ADAMTSL1: variants seen among roughly 807,000 people sequenced by gnomAD.
The protein encoded by ADAMTSL1 is ADAMTS-like protein 1.
Under a neutral mutation model 201.8 loss-of-function variants are expected in ADAMTSL1, and 126 were observed. The ratio of observed to expected loss-of-function variants is 0.62; its 90% CI spans 0.54 to 0.72. The LOEUF (loss-of-function observed/expected upper bound fraction) is 0.72. ADAMTSL1 is among the 30% of genes least tolerant of loss of function. The probability of loss-of-function intolerance (pLI) is 0.00; values close to 1 mark genes in which losing one functional copy is unlikely to be tolerated. For missense variants in ADAMTSL1, 2,679 were observed against 2,277.8 expected, an observed-to-expected ratio of 1.18 and a Z score of -3.59; for synonymous variants, 1,121 against 903.4, an observed-to-expected ratio of 1.24 and a Z score of -4.32.
At chr9:17,990,999 C>G (rs1332208930) in intron 1 of ADAMTSL1, among the ~76,000 whole-genome samples, 1 of 152,096 alleles carries the variant, frequency 6.6e-6, no homozygotes, top group Non-Finnish European at 1.5e-5. Context: ...GAAACATTAA[C>G]TTTGACAGAA....
chr9:18,281,202 C>G (rs183013342), intron 2 of ADAMTSL1, among the ~76,000 whole-genome samples: 1 of 152,124 alleles, frequency 6.6e-6, no homozygotes, highest in Non-Finnish European at 1.5e-5. Flanking sequence ...TAAGCAAATG[C>G]TATAATAAGC....
chr9:18,798,777 A>G (rs1339371363), intron 20 of ADAMTSL1, among the ~76,000 whole-genome samples: 3 of 152,210 alleles, frequency 2.0e-5, no homozygotes, highest in Non-Finnish European at 4.4e-5. Context: ...CCCGTCCCGT[A>G]GATCTGGTGT....
chr9:18,537,546 G>T (rs1244952680), intron 3 of ADAMTSL1, among the ~76,000 whole-genome samples: 5 of 152,130 alleles, frequency 3.3e-5, no homozygotes, highest in Non-Finnish European at 7.3e-5. Context: ...ACACTGTAAA[G>T]TACTTACGTT....
At chr9:18,397,667 T>C (rs1817809309) in intron 2 of ADAMTSL1, among the ~76,000 whole-genome samples, 1 of 152,198 alleles carries the variant, frequency 6.6e-6, no homozygotes, top group Admixed American at 6.5e-5. Context: ...TAAATCACCA[T>C]TGGATTATAG....
At chr9:18,246,549 C>G (rs888892804) in intron 2 of ADAMTSL1, among the ~76,000 whole-genome samples, 15 of 151,954 alleles carry the variant, frequency 9.9e-5, no homozygotes, top group African/African-American at 3.4e-4. Flanking sequence ...GCAGGAAGTG[C>G]CAAAAAGACT....
chr9:18,209,458 T>C (rs890528735), intron 2 of ADAMTSL1, among the ~76,000 whole-genome samples: 6 of 152,132 alleles, frequency 3.9e-5, no homozygotes, highest in Non-Finnish European at 8.8e-5. Context: ...TTATAAATAT[T>C]TAGACCATGG....
chr9:18,022,827 G>A (rs577615903), intron 1 of ADAMTSL1, among the ~76,000 whole-genome samples: 2 of 152,084 alleles, frequency 1.3e-5, no homozygotes, highest in Admixed American at 1.3e-4. Flanking sequence ...TATTTATTCA[G>A]CGCCTACTAT....
chr9:18,530,078 A>G (rs1029192714), intron 2 of ADAMTSL1, among the ~76,000 whole-genome samples: 13 of 152,194 alleles, frequency 8.5e-5, no homozygotes, highest in Admixed American at 5.9e-4. Flanking sequence ...TGAAACAAGT[A>G]TTTTTCTGCT....
chr9:18,619,666 T>G (rs1026775109), intron 4 of ADAMTSL1, among the ~76,000 whole-genome samples: 1 of 152,034 alleles, frequency 6.6e-6, no homozygotes, highest in African/African-American at 2.4e-5. Flanking sequence ...TAAGAAATCT[T>G]TAGACTTAGA....
At position 18,474,271 on chromosome 9, in the gene ADAMTSL1, C is replaced by T; in HGVS notation, c.39C>T (p.Leu13=). Residue 13 remains leucine (L), a synonymous_variant, in exon 1 of 29, where the codon CTC becomes CTT. Coordinates refer to ENST00000380548, the MANE Select transcript of ADAMTSL1 (RefSeq NM_001040272.6). Reference sequence around the variant, plus strand: ...GTCGGGCAACTCCTGGCACACTGCTCCTCTTTCTGGCTTTCCTGCTCCTGG... The same window carrying T: ...GTCGGGCAACTCCTGGCACACTGCTTCTCTTTCTGGCTTTCCTGCTCCTGG... ...CCRRATPGTL[L]LFLAFLLLSS... is the part of the protein sequence containing the mutation. The T allele has an allele frequency of 6.2e-7, 1 of 1,614,170 alleles. No homozygotes were observed. The highest frequency in any genetic ancestry group is 1.1e-5 in the South Asian group (1 of 91,084).
intron 2 of ADAMTSL1, among the ~76,000 whole-genome samples, chr9:18,225,103 G>C (rs1830395837): frequency 6.6e-6 from 1 of 152,104 alleles, no homozygotes; most frequent in African/African-American, 2.4e-5. Flanking sequence ...GTAAGCCTAA[G>C]GTAAAAGTTA....
chr9:18,652,689 G>T (rs1410629958), intron 7 of ADAMTSL1, among the ~76,000 whole-genome samples: 1 of 152,134 alleles, frequency 6.6e-6, no homozygotes, highest in African/African-American at 2.4e-5. Flanking sequence ...GGGGAAGCTG[G>T]GATGTTTGGT....
At chr9:18,368,734 A>T (rs1294321982) in intron 2 of ADAMTSL1, among the ~76,000 whole-genome samples, 1 of 152,188 alleles carries the variant, frequency 6.6e-6, no homozygotes, top group Non-Finnish European at 1.5e-5. Context: ...ATCATCCTGG[A>T]TGGTGAATAT....
At chr9:18,740,010 C>T (rs1001419534) in intron 15 of ADAMTSL1, among the ~76,000 whole-genome samples, 21 of 152,080 alleles carry the variant, frequency 1.4e-4, no homozygotes, top group African/African-American at 5.1e-4. Flanking sequence ...ACATATCAAA[C>T]TCCTGAGACA....
chr9:18,069,474 A>G (rs1822857501), intron 1 of ADAMTSL1, among the ~76,000 whole-genome samples: 1 of 152,188 alleles, frequency 6.6e-6, no homozygotes, highest in South Asian at 2.1e-4. Context: ...TAAGTTTACC[A>G]TTATGCTTTG....
chr9:18,065,585 G>A (rs955450126), intron 1 of ADAMTSL1, among the ~76,000 whole-genome samples: 1 of 152,158 alleles, frequency 6.6e-6, no homozygotes, highest in African/African-American at 2.4e-5. Context: ...AATAAACACA[G>A]GGGTAATAAA....
intron 2 of ADAMTSL1, among the ~76,000 whole-genome samples, chr9:18,275,465 T>A (rs1832548409): frequency 6.6e-6 from 1 of 152,292 alleles, no homozygotes; most frequent in Non-Finnish European, 1.5e-5. Context: ...TTCAGAACAA[T>A]TTCATCAGCA....
intron 2 of ADAMTSL1, among the ~76,000 whole-genome samples, chr9:18,231,357 TA>T (rs1398689612): frequency 1.3e-5 from 2 of 152,324 alleles, no homozygotes; most frequent in African/African-American, 4.8e-5. Context: ...TCCATATTAT[TA>T]AACCCATTGG....
intron 2 of ADAMTSL1, among the ~76,000 whole-genome samples, chr9:18,344,821 C>G (rs887073852): frequency 1.1e-4 from 17 of 152,156 alleles, no homozygotes; most frequent in African/African-American, 2.4e-5. Context: ...TGCTTGAAAA[C>G]TAACATTCAA....
Sources: allele counts gnomAD v4.1 joint callset (sites outside exome capture counted in the v4.1 genomes callset), GRCh38; gene constraint gnomAD v4.1.1; transcripts MANE v1.5; gene names NCBI Gene and HGNC (gene_info 2026-07-23, HGNC 2026-07-21).